ABHD5: variants seen among roughly 807,000 people sequenced by gnomAD.
ABHD5 encodes the protein 1-acylglycerol-3-phosphate O-acyltransferase ABHD5.
In ABHD5, 30 loss-of-function variants were observed where a neutral mutation model predicts 44.9. The ratio of observed to expected loss-of-function variants is 0.67; its 90% CI spans 0.50 to 0.91. The LOEUF is 0.91. ABHD5 is among the 40% of genes least tolerant of loss of function. ABHD5 has a pLI of 0.00. For missense variants in ABHD5, 399 were observed against 423.4 expected, an observed-to-expected ratio of 0.94 and a Z score of 0.50; for synonymous variants, 167 against 147.0, an observed-to-expected ratio of 1.14 and a Z score of -0.99.
rs1490065321 is a variant in ABHD5 at position 43,722,384 on chromosome 3, A to C, written c.*3852A>C. The C allele has an allele frequency of 1.3e-5, 2 of 152,226 alleles. No individual in the cohort carries two copies. The highest frequency in any genetic ancestry group is 2.4e-5 in the African/African-American group (1 of 41,454). 9.4% of individuals were successfully genotyped at this position (152,226 alleles called of 1,614,324 possible). A position where few individuals can be genotyped will look rare whatever the true frequency, so the allele number is the denominator to read the frequency against. ...TATAACGAAGAGACAAATGGAAAAA[A>C]TATGTATTTGCTTTTTTTGTAAAGC... is the stretch of plus-strand genomic sequence containing the variant. On this transcript the variant is annotated 3_prime_UTR_variant, in exon 7 of 7. Transcript: ENST00000644371.
intron 1 of ABHD5, 48 bp from the exon 2 acceptor site, chr3:43,699,228 A>C: frequency 6.7e-7 from 1 of 1,486,272 alleles, no homozygotes; most frequent in Non-Finnish European, 9.4e-7. Context: ...TTGGTAGTTG[A>C]GAAGAGCATG....
intron 1 of ABHD5, among the ~76,000 whole-genome samples, chr3:43,692,802 C>T (rs1002277123): frequency 2.6e-5 from 4 of 152,214 alleles, no homozygotes; most frequent in African/African-American, 9.6e-5. Context: ...GGTGCTTACC[C>T]TGTATCCCTG....
intron 7 of ABHD5, among the ~76,000 whole-genome samples, chr3:43,728,940 G>T (rs533446913): frequency 1.3e-5 from 2 of 152,210 alleles, no homozygotes; most frequent in Non-Finnish European, 2.9e-5. Context: ...TTAATCTGCT[G>T]AGTGGATTAG....
intron 1 of ABHD5, 192 bp downstream of exon 1, chr3:43,691,231 T>C: frequency 2.1e-6 from 1 of 471,044 alleles, no homozygotes; most frequent in Non-Finnish European, 3.4e-6. Flanking sequence ...TGGGAGAGGC[T>C]CCCCTCAGCG....
rs1237106483 is a variant in ABHD5, at chr3:43,720,231, A to G, written c.*1699A>G. ...TGTATGTGGTACAAATAATTTGGGT[A>G]ATATTTTTGTATTTTTGTTTTACAC... On this transcript the variant is annotated 3_prime_UTR_variant, in exon 7 of 7. Coordinates refer to ENST00000644371, the MANE Select transcript of ABHD5 (RefSeq NM_016006.6). 6.6e-6 allele frequency: 1 copy of G among 152,188 alleles called. No individual in the cohort carries two copies. Among genetic ancestry groups the G allele is most frequent in the Non-Finnish European group, 1.5e-5 (1 of 68,034 alleles). The allele number at this position is 152,188 out of a possible 1,614,324, so 9.4% of individuals were successfully genotyped here.
intron 1 of ABHD5, among the ~76,000 whole-genome samples, chr3:43,697,905 A>T (rs917976099): frequency 2.0e-5 from 3 of 152,232 alleles, no homozygotes; most frequent in African/African-American, 7.2e-5. Flanking sequence ...CTTGGTGCTT[A>T]ACATTTCTGA....
Position 43,722,301 on chromosome 3 carries a change from A to C in ABHD5, c.*3769A>C, listed in dbSNP as rs1450921652. ...AGTTCTGGTCTGGAGAAATCTCCAG[A>C]ATATAGGAAATGAAAAATGTAAAGC... On this transcript the variant is annotated 3_prime_UTR_variant, in exon 7 of 7. Coordinates refer to ENST00000644371, the MANE Select transcript of ABHD5 (RefSeq NM_016006.6). The C allele has an allele frequency of 6.6e-6, 1 of 152,250 alleles. No homozygotes were observed. Among genetic ancestry groups the C allele is most frequent in the East Asian group, 1.9e-4 (1 of 5,206 alleles). The allele number at this position is 152,250 out of a possible 1,614,324, so 9.4% of individuals were successfully genotyped here. A position where few individuals can be genotyped will look rare whatever the true frequency, so the allele number is the denominator to read the frequency against.
intron 7 of ABHD5, among the ~76,000 whole-genome samples, chr3:43,731,056 C>T (rs1169667427): frequency 6.6e-6 from 1 of 151,028 alleles, no homozygotes; most frequent in African/African-American, 2.4e-5. Context: ...TCTCGATCTC[C>T]TGACCTCGTG....
chr3:43,708,243 G>T (rs1425515029), intron 3 of ABHD5, among the ~76,000 whole-genome samples: 1 of 152,144 alleles, frequency 6.6e-6, no homozygotes, highest in African/African-American at 2.4e-5. Flanking sequence ...TCTTGACAAG[G>T]ATGTCTAATA....
intron 7 of ABHD5, among the ~76,000 whole-genome samples, chr3:43,730,977 T>C (rs1266086609): frequency 6.6e-6 from 1 of 152,150 alleles, no homozygotes; most frequent in African/African-American, 2.4e-5. Context: ...TACAGGTGCA[T>C]GCCAACACGC....
At chr3:43,716,340 C>A (rs2084762437) in intron 5 of ABHD5, among the ~76,000 whole-genome samples, 1 of 152,126 alleles carries the variant, frequency 6.6e-6, no homozygotes, top group Non-Finnish European at 1.5e-5. Flanking sequence ...AACAAATACT[C>A]TGGTGATTCT....
chr3:43,724,781 C>T (rs1455224054), downstream of ABHD5, among the ~76,000 whole-genome samples: 1 of 152,090 alleles, frequency 6.6e-6, no homozygotes, highest in Non-Finnish European at 1.5e-5. Flanking sequence ...TAAAGATACA[C>T]TTAACACACA....
rs1446528396 is a variant in ABHD5, at chr3:43,721,311, A to G, written c.*2779A>G. On this transcript the variant is annotated 3_prime_UTR_variant, in exon 7 of 7. Coordinates refer to ENST00000644371, the MANE Select transcript of ABHD5 (RefSeq NM_016006.6). ...AAAATCTGAATAGAACAAAGACCCA[A>G]TTTTTAAAATGAAACCCTCTTTCTA... 2 of 152,142 alleles carry G rather than the reference A, an allele frequency of 1.3e-5. No homozygotes were observed. Among genetic ancestry groups the G allele is most frequent in the African/African-American group, 4.8e-5 (2 of 41,450 alleles). The allele number at this position is 152,142 out of a possible 1,614,324, so 9.4% of individuals were successfully genotyped here.
rs188689102 is a variant in ABHD5, at chr3:43,729,923, C to T, written c.*30-3957C>T. 6.7e-4 allele frequency among the ~76,000 whole-genome samples: 102 copies of T among 152,274 alleles called. 1 individual carries two copies. Among genetic ancestry groups the T allele is most frequent in the African/African-American group, 2.4e-3 (100 of 41,552 alleles). On this transcript the variant is annotated intron_variant, in intron 7 of 7. Coordinates refer to the ABHD5 transcript ENST00000454293. ...CCTTTGTGTGCTCTTGTTAACTATA[C>T]TGCAAAGTAAACATATTGTATTGTT...
At chr3:43,715,428 G>A (rs151022046) in intron 5 of ABHD5, among the ~76,000 whole-genome samples, 2 of 152,212 alleles carry the variant, frequency 1.3e-5, no homozygotes, top group Non-Finnish European at 2.9e-5. Context: ...CTCCCAAAAT[G>A]TTGGGATTAC....
At position 43,717,735 on chromosome 3, in the gene ABHD5, C is replaced by G. The variant is rs370301465; in HGVS notation, c.838C>G (p.Arg280Gly). The G allele has an allele frequency of 4.3e-6, 7 of 1,614,046 alleles. No homozygotes were observed. The highest frequency in any genetic ancestry group is 5.9e-6 in the Non-Finnish European group (7 of 1,180,042). The change falls in exon 6 of 7, where the codon CGA (arginine) becomes GGA (glycine). Residue 280 changes from arginine (R) to glycine (G), a missense_variant. Coordinates refer to ENST00000644371, the MANE Select transcript of ABHD5 (RefSeq NM_016006.6). ...YGWAKRPMLQ[R>G]IGKMHPDIPV... The stretch of plus-strand genomic sequence containing the variant: ...ATGGGCAAAAAGGCCAATGCTCCAG[C>G]GAATTGGTAAAATGCACCCTGACAT...
At chr3:43,725,292 C>A (rs1473032145), downstream of ABHD5, among the ~76,000 whole-genome samples, 1 of 152,200 alleles carries the variant, frequency 6.6e-6, no homozygotes, top group Non-Finnish European at 1.5e-5. Flanking sequence ...CTTGCCATCT[C>A]ATGTGCACCA....
intron 5 of ABHD5, 102 bp downstream of exon 5, chr3:43,715,160 T>G (rs550180495): frequency 1.2e-6 from 1 of 814,344 alleles, no homozygotes; most frequent in East Asian, 3.0e-5. Context: ...AACTATTTAT[T>G]TATTTATTTA....
chr3:43,732,905 G>A (rs1448739281), intron 7 of ABHD5, among the ~76,000 whole-genome samples: 1 of 152,172 alleles, frequency 6.6e-6, no homozygotes, highest in Non-Finnish European at 1.5e-5. Flanking sequence ...GTTGGGATTT[G>A]GTTCCCTCCA....
Sources: gnomAD v4.1 joint callset for allele counts (sites outside exome capture counted in the v4.1 genomes callset) on GRCh38, gnomAD v4.1.1 for gene constraint, MANE v1.5 for transcripts, NCBI Gene and HGNC (gene_info 2026-07-23, HGNC 2026-07-21) for gene names.